Variants in DLGAP2 observed in about 807,000 individuals in gnomAD.
DLGAP2 encodes disks large-associated protein 2.
Under a neutral mutation model 100.3 loss-of-function variants are expected in DLGAP2, and 26 were observed. The ratio of observed to expected loss-of-function variants is 0.26; its 90% CI spans 0.19 to 0.36. DLGAP2 has a LOEUF of 0.36. Ranked by LOEUF, DLGAP2 falls within the 10% of genes least tolerant of loss-of-function variation. The pLI, the probability that DLGAP2 is intolerant of heterozygous loss-of-function variation, is 1.00. For missense variants in DLGAP2, 1,858 were observed against 1,453.2 expected (o/e 1.28, Z -4.53); for synonymous variants, 886 against 630.1 (o/e 1.41, Z -6.08).
chr8:1,699,550 C>T (rs977419381), intron 14 of DLGAP2, among the ~76,000 whole-genome samples: 1 of 151,870 alleles, frequency 6.6e-6, no homozygotes, highest in African/African-American at 2.4e-5. Flanking sequence ...GAAGGCAGAG[C>T]TTGTAGTGAG....
intron 2 of DLGAP2, among the ~76,000 whole-genome samples, chr8:1,039,293 TCGGTTTC>T (rs1180350851): frequency 8.6e-4 from 129 of 150,120 alleles, no homozygotes; most frequent in South Asian, 4.5e-3. Flanking sequence ...CATGGTCGGC[TCGGTTTC>T]CATGGTCAGC....
rs1385900138 is a variant in DLGAP2, at chr8:1,229,868, C to G, written c.74-28983C>G. Among the ~76,000 whole-genome samples the G allele has an allele frequency of 2.0e-5, 3 of 152,028 alleles. No individual in the cohort carries two copies. The South Asian group carries it at 6.2e-4, about 32-fold the overall frequency. On this transcript the variant is annotated intron_variant, in intron 2 of 14. Coordinates refer to ENST00000637795, the MANE Select transcript of DLGAP2 (RefSeq NM_001346810.2). ...GAAACTAGGCATCAAAGGAACATACCTCAAAATAATAAGTGCCACCTATGA... is the reference window on the plus strand; with the variant it reads ...GAAACTAGGCATCAAAGGAACATACGTCAAAATAATAAGTGCCACCTATGA...
intron 2 of DLGAP2, among the ~76,000 whole-genome samples, chr8:1,174,990 A>G (rs543595323): frequency 6.6e-6 from 1 of 152,322 alleles, no homozygotes; most frequent in Non-Finnish European, 1.5e-5. Context: ...AAGAATGAAA[A>G]TTAGATATTT....
intron 2 of DLGAP2, among the ~76,000 whole-genome samples, chr8:1,156,616 CCAGCGCCCCAGCCCAGCGCCCCGGCT>C (rs1205328840): frequency 2.6e-5 from 4 of 150,978 alleles, no homozygotes; most frequent in Non-Finnish European, 4.4e-5. Flanking sequence ...GCGTCCCAGC[CCAGCGCCCCAGCCCAGCGCCCCGGCT>C]CAGCGCCCCA....
intron 2 of DLGAP2, among the ~76,000 whole-genome samples, chr8:944,361 G>C (rs1799265405): frequency 6.6e-6 from 1 of 152,116 alleles, no homozygotes; most frequent in African/African-American, 2.4e-5. Flanking sequence ...TAATCCCTGT[G>C]AGTGATCCAG....
intron 2 of DLGAP2, among the ~76,000 whole-genome samples, chr8:1,173,180 T>G (rs1282357590): frequency 6.6e-6 from 1 of 152,174 alleles, no homozygotes; most frequent in Non-Finnish European, 1.5e-5. Flanking sequence ...TCGGCAGCGG[T>G]GTCCGCAGAA....
At chr8:1,296,298 C>A (rs1800171920) in intron 3 of DLGAP2, 1 of 152,104 alleles carries the variant, frequency 6.6e-6, no homozygotes. Context: ...TTTTCTAGAA[C>A]CTCAATTATA....
rs539596606 is a variant in DLGAP2 at position 1,083,164 on chromosome 8, G to A, written c.73+175198G>A. Among the ~76,000 whole-genome samples the A allele has an allele frequency of 1.1e-3, 171 of 152,160 alleles. 1 individual carries two copies. Among genetic ancestry groups the A allele is most frequent in the Non-Finnish European group, 2.0e-3 (138 of 68,034 alleles). On this transcript the variant is annotated intron_variant, in intron 2 of 14. Coordinates refer to ENST00000637795, the MANE Select transcript of DLGAP2 (RefSeq NM_001346810.2). ...GAGGCCAGTTTTGGAGAGGAATATC[G>A]TAAATTTTGAAAGGAATTTTTCACG... is the stretch of plus-strand genomic sequence containing the variant.
At chr8:1,577,692 C>T (rs993681670) in intron 6 of DLGAP2, among the ~76,000 whole-genome samples, 19 of 152,138 alleles carry the variant, frequency 1.2e-4, no homozygotes, top group Non-Finnish European at 2.2e-4. Flanking sequence ...GGTGTCCCTG[C>T]AGCAGGGACA....
chr8:1,377,598 G>A, intron 3 of DLGAP2, among the ~76,000 whole-genome samples: 1 of 152,274 alleles, frequency 6.6e-6, no homozygotes, highest in Non-Finnish European at 1.5e-5. Flanking sequence ...CCCAGGAAAG[G>A]TGAAGCTGGG....
At chr8:894,135 C>A (rs563064618) in intron 1 of DLGAP2, among the ~76,000 whole-genome samples, 1 of 152,322 alleles carries the variant, frequency 6.6e-6, no homozygotes, top group African/African-American at 2.4e-5. Context: ...ATGGCCACTG[C>A]AATGTTTCTG....
At chr8:848,949 G>A (rs963828872) in intron 1 of DLGAP2, among the ~76,000 whole-genome samples, 1 of 151,174 alleles carries the variant, frequency 6.6e-6, no homozygotes, top group African/African-American at 2.4e-5. Context: ...ATAGGAACGC[G>A]CGGTGCCTGT....
intron 2 of DLGAP2, among the ~76,000 whole-genome samples, chr8:1,096,208 A>G (rs1234919214): frequency 1.3e-5 from 2 of 152,244 alleles, no homozygotes; most frequent in African/African-American, 2.4e-5. Flanking sequence ...CTGCCAAACC[A>G]GGACTGTTGA....
chr8:1,381,660 G>A (rs1429319928), intron 3 of DLGAP2, among the ~76,000 whole-genome samples: 1 of 152,166 alleles, frequency 6.6e-6, no homozygotes, highest in Admixed American at 6.5e-5. Flanking sequence ...ACAAGTAAGT[G>A]AGGCCACTCA....
chr8:838,353 T>C (rs1796920704), intron 1 of DLGAP2, among the ~76,000 whole-genome samples: 1 of 152,082 alleles, frequency 6.6e-6, no homozygotes. Context: ...AAATCCTTAT[T>C]CACTTGTTCT....
At chr8:1,376,427 C>T (rs1032917527) in intron 3 of DLGAP2, among the ~76,000 whole-genome samples, 1 of 152,264 alleles carries the variant, frequency 6.6e-6, no homozygotes, top group Non-Finnish European at 1.5e-5. Context: ...GCCTCTGTGC[C>T]CACCTGCTGG....
chr8:1,414,152 G>C (rs1478362242), intron 3 of DLGAP2, among the ~76,000 whole-genome samples: 4 of 152,276 alleles, frequency 2.6e-5, no homozygotes, highest in African/African-American at 4.8e-5. Context: ...TTCAGGGTTG[G>C]GGGGAGTTGT....
chr8:1,435,636 C>T (rs528880375), intron 3 of DLGAP2, among the ~76,000 whole-genome samples: 9 of 151,902 alleles, frequency 5.9e-5, no homozygotes, highest in East Asian at 2.0e-4. Context: ...GAGTGCGCTC[C>T]TTCTGCTTGT....
chr8:1,472,187 A>C (rs541630963), intron 3 of DLGAP2, among the ~76,000 whole-genome samples: 17 of 152,210 alleles, frequency 1.1e-4, no homozygotes, highest in Admixed American at 4.6e-4. Context: ...GTGATGCTGG[A>C]GGAAATCCTT....
Sources: gnomAD v4.1 joint callset for allele counts (sites outside exome capture counted in the v4.1 genomes callset) on GRCh38, gnomAD v4.1.1 for gene constraint, MANE v1.5 for transcripts, NCBI Gene and HGNC (gene_info 2026-07-23, HGNC 2026-07-21) for gene names.